Variants in LHX6 observed in about 807,000 individuals in gnomAD.
LHX6 encodes LIM homeobox 6, also known as LIM/homeobox protein Lhx6.
LHX6 carries 15 observed loss-of-function variants against 47.1 expected under a neutral mutation model. That is an observed-to-expected ratio of 0.32 (90% confidence interval 0.21 to 0.49). LHX6 has a LOEUF of 0.49. Ranked by LOEUF, LHX6 falls within the 20% of genes least tolerant of loss-of-function variation. The pLI is 0.99. For synonymous variants in LHX6, 242 were observed against 233.5 expected (o/e 1.04, Z -0.33); for missense variants, 404 against 539.6 (o/e 0.75, Z 2.49).
chr9:122,224,946 C>T (rs574108549), intron 4 of LHX6, among the ~76,000 whole-genome samples: 49 of 152,206 alleles, frequency 3.2e-4, no homozygotes, highest in African/African-American at 1.1e-3. Flanking sequence ...TGCCCCCACC[C>T]CACCCCAGCT....
At chr9:122,227,621 C>T (rs1831168457) in intron 1 of LHX6, 141 bp from the exon 2 acceptor site, 5 of 1,357,616 alleles carry the variant, frequency 3.7e-6, no homozygotes, top group Middle Eastern at 2.1e-4. Flanking sequence ...CATTTAAAGC[C>T]CTTCCCCACA....
intron 4 of LHX6, among the ~76,000 whole-genome samples, chr9:122,218,185 C>T (rs1277908657): frequency 2.0e-5 from 3 of 152,090 alleles, no homozygotes; most frequent in African/African-American, 4.8e-5. Context: ...CAGGAGGCAG[C>T]GGAGTCTGGT....
At position 122,226,519 on chromosome 9, in the gene LHX6, A is replaced by G. The variant is rs1257476102; in HGVS notation, c.340-22T>C. ...TGACCTGGGGACGGGGCGGGGACGG[A>G]GGTCGGCTCAGCGCGGGCCTCTTTC... is the stretch of plus-strand genomic sequence containing the variant. On this transcript the variant is annotated intron_variant, in intron 3 of 9. Transcript: ENST00000394319. This position sits in a 1 kb window ranked among gnomAD's most constrained non-coding sequence, Gnocchi z 6.5. The G allele has an allele frequency of 1.2e-6, 2 of 1,610,314 alleles. No homozygotes were observed.
Position 122,213,812 on chromosome 9 carries a change from G to A in LHX6, c.880-32C>T. 3.2e-6 allele frequency: 5 copies of A among 1,558,288 alleles called. No individual in the cohort carries two copies. The highest frequency in any genetic ancestry group is 1.7e-4 in the Middle Eastern group (1 of 5,996). On this transcript the variant is annotated intron_variant, in intron 7 of 9. Coordinates refer to ENST00000394319, the MANE Select transcript of LHX6 (RefSeq NM_014368.5). This position sits in a 1 kb window ranked among gnomAD's most constrained non-coding sequence, Gnocchi z 5.5. The stretch of plus-strand genomic sequence containing the variant: ...CGACAGCCTCGGCAGCCTCAGCCTC[G>A]AGGAAAAGAGTCGGACGCGCCGCCG...
At position 122,204,398 on chromosome 9, in the gene LHX6, A is replaced by T. The variant is rs1830091750; in HGVS notation, c.*362T>A. 3.0e-6 allele frequency: 1 copy of T among 330,224 alleles called. No homozygotes were observed. Among genetic ancestry groups the T allele is most frequent in the Non-Finnish European group, 5.5e-6 (1 of 182,122 alleles). 20.5% of individuals were successfully genotyped at this position (330,224 alleles called of 1,614,324 possible). On this transcript the variant is annotated 3_prime_UTR_variant, in exon 10 of 10. Coordinates refer to ENST00000394319, the MANE Select transcript of LHX6 (RefSeq NM_014368.5). ...ATAAAGGCCAATGTGGGGGAAAAAA[A>T]CCTGTAAATGAGAAGGCCGTTGGCA...
intron 4 of LHX6, among the ~76,000 whole-genome samples, chr9:122,221,957 G>A (rs143934896): frequency 6.6e-6 from 1 of 151,990 alleles, no homozygotes; most frequent in Non-Finnish European, 1.5e-5. Context: ...TCAGTTCCTC[G>A]ATCCCACCCC....
In LHX6 at chr9:122,211,140, G is replaced by A. The variant is rs140283200; in HGVS notation, c.1055-1423C>T. 2.2e-3 allele frequency among the ~76,000 whole-genome samples: 335 copies of A among 152,314 alleles called. 1 individual carries two copies. The highest frequency in any genetic ancestry group is 7.3e-3 in the African/African-American group (304 of 41,568). On this transcript the variant is annotated intron_variant, in intron 8 of 9. Coordinates refer to ENST00000394319, the MANE Select transcript of LHX6 (RefSeq NM_014368.5). ...GCTTCAGCCTGTTTATCACTACAGC[G>A]GAGAAGTCCATTGCTGGTCTCTTCT...
At chr9:122,211,440 T>G (rs1169694764) in intron 8 of LHX6, among the ~76,000 whole-genome samples, 1 of 152,166 alleles carries the variant, frequency 6.6e-6, no homozygotes, top group East Asian at 1.9e-4. Context: ...TCCAGGAAAC[T>G]CAGTATTCTG....
chr9:122,211,972 T>C (rs919257292), intron 8 of LHX6, among the ~76,000 whole-genome samples: 1 of 152,314 alleles, frequency 6.6e-6, no homozygotes, highest in South Asian at 2.1e-4. Flanking sequence ...ATTGAGCAGA[T>C]AGTTCAGAAA....
chr9:122,208,834 T>TA (rs34355404), intron 9 of LHX6, among the ~76,000 whole-genome samples: 1,443 of 117,216 alleles, frequency 0.012, 7 homozygotes, highest in Non-Finnish European at 0.019. Context: ...AAACTCTGTC[T>TA]AAAAAAAAAA....
chr9:122,204,931 A>G, intron 9 of LHX6, 151 bp from the exon 10 acceptor site: 1 of 492,640 alleles, frequency 2.0e-6, no homozygotes, highest in South Asian at 3.8e-5. Flanking sequence ...TTGCTGTGGG[A>G]CCTTGGGCAA....
At chr9:122,209,524 T>C in intron 9 of LHX6, 90 bp downstream of exon 9, 1 of 1,579,886 alleles carries the variant, frequency 6.3e-7, no homozygotes, top group Middle Eastern at 1.7e-4. Context: ...CAGCGCAGCA[T>C]GGTACCAAAT....
At position 122,202,828 on chromosome 9, in the gene LHX6, G is replaced by A. The variant is rs1413079663; in HGVS notation, c.*1932C>T. 1.3e-5 allele frequency: 2 copies of A among 152,460 alleles called. No homozygotes were observed. Among genetic ancestry groups the A allele is most frequent in the East Asian group, 1.9e-4 (1 of 5,184 alleles). 9.4% of individuals were successfully genotyped at this position (152,460 alleles called of 1,614,324 possible). A position where few individuals can be genotyped will look rare whatever the true frequency, so the allele number is the denominator to read the frequency against. On this transcript the variant is annotated 3_prime_UTR_variant, in exon 10 of 10. Coordinates refer to ENST00000394319, the MANE Select transcript of LHX6 (RefSeq NM_014368.5). The stretch of plus-strand genomic sequence containing the variant: ...ACATGTTTGAACTGTAACATGCTAC[G>A]GCCACATAATCCACGCAAGGAATAG...
chr9:122,207,794 C>A (rs556398851), intron 9 of LHX6, among the ~76,000 whole-genome samples: 2 of 152,272 alleles, frequency 1.3e-5, no homozygotes, highest in Admixed American at 6.5e-5. Context: ...GCTGTCCCCA[C>A]CCCGGCTGCC....
At chr9:122,221,213 G>T in intron 4 of LHX6, 1 of 984,134 alleles carries the variant, frequency 1.0e-6, no homozygotes, top group Non-Finnish European at 1.2e-6. Flanking sequence ...CGTAGGGGAA[G>T]AAGCCAGAGG....
At chr9:122,207,932 A>G (rs1474743904) in intron 9 of LHX6, among the ~76,000 whole-genome samples, 1 of 152,088 alleles carries the variant, frequency 6.6e-6, no homozygotes, top group Non-Finnish European at 1.5e-5. Flanking sequence ...CGAGCACACC[A>G]AGACCGGGAT....
At chr9:122,228,383 G>A in intron 1 of LHX6, 1 of 1,511,228 alleles carries the variant, frequency 6.6e-7, no homozygotes, top group East Asian at 2.5e-5. Flanking sequence ...CTATTCAGAC[G>A]GACAATACCG....
intron 4 of LHX6, chr9:122,221,441 C>G: frequency 1.0e-6 from 1 of 985,524 alleles, no homozygotes; most frequent in Non-Finnish European, 1.2e-6. Context: ...GTAGGCTTCT[C>G]CCGCTGGAGC....
Position 122,228,902 on chromosome 9 carries a change from G to A in LHX6, c.-162C>T, listed in dbSNP as rs1270228641. 3.5e-6 allele frequency: 1 copy of A among 289,508 alleles called. No homozygotes were observed. The allele number at this position is 289,508 out of a possible 1,614,324, so 17.9% of individuals were successfully genotyped here. On this transcript the variant is annotated 5_prime_UTR_variant, in exon 1 of 10. Coordinates refer to ENST00000394319, the MANE Select transcript of LHX6 (RefSeq NM_014368.5). Reference sequence around the variant, plus strand: ...GCCTCAGCCCCCGCCCCCGGCCCGCGCGCAGCCCCGGCCTCCCTGGCTGCT... The same window carrying A: ...GCCTCAGCCCCCGCCCCCGGCCCGCACGCAGCCCCGGCCTCCCTGGCTGCT...
Sources: gnomAD v4.1 joint callset for allele counts (sites outside exome capture counted in the v4.1 genomes callset) on GRCh38, gnomAD v4.1.1 for gene constraint, Gnocchi (gnomAD v3.1) non-coding constraint, MANE v1.5 for transcripts, NCBI Gene and HGNC (gene_info 2026-07-23, HGNC 2026-07-21) for gene names.